HACD2: variants seen among roughly 807,000 people sequenced by gnomAD.
The protein encoded by HACD2 is 3-hydroxyacyl-CoA dehydratase 2.
A neutral mutation model predicts 31.0 loss-of-function variants in HACD2; 15 were observed. The observed-to-expected ratio is 0.48, with a 90% CI of 0.32 to 0.75. The LOEUF is 0.75. Ranked by LOEUF, HACD2 falls within the 30% of genes least tolerant of loss-of-function variation. HACD2 has a pLI of 0.03. For synonymous variants in HACD2, 115 were observed against 122.2 expected, an observed-to-expected ratio of 0.94 and a Z score of 0.39; for missense variants, 283 against 313.0, an observed-to-expected ratio of 0.90 and a Z score of 0.72.
At chr3:123,563,284 T>C (rs749274019) in intron 3 of HACD2, among the ~76,000 whole-genome samples, 1 of 152,152 alleles carries the variant, frequency 6.6e-6, no homozygotes, top group Non-Finnish European at 1.5e-5. Flanking sequence ...TAGGGAAGTT[T>C]ACTGGAAGAG....
intron 2 of HACD2, among the ~76,000 whole-genome samples, chr3:123,570,440 T>C (rs1165956698): frequency 6.6e-6 from 1 of 152,176 alleles, no homozygotes; most frequent in East Asian, 1.9e-4. Context: ...AAAGGGCAGA[T>C]GTAGAGGTAC....
intron 3 of HACD2, among the ~76,000 whole-genome samples, chr3:123,563,928 AG>A (rs1378863797): frequency 2.0e-5 from 3 of 152,338 alleles, no homozygotes; most frequent in Middle Eastern, 3.4e-3. Flanking sequence ...CTAGAAATTC[AG>A]GAAGATACAT....
At chr3:123,563,983 G>A (rs1047048814) in intron 3 of HACD2, among the ~76,000 whole-genome samples, 3 of 152,250 alleles carry the variant, frequency 2.0e-5, no homozygotes, top group Non-Finnish European at 4.4e-5. Flanking sequence ...TAGGGATGAA[G>A]AAACAAGACA....
intron 4 of HACD2, among the ~76,000 whole-genome samples, chr3:123,507,687 C>T (rs1486198458): frequency 1.3e-5 from 2 of 151,986 alleles, no homozygotes; most frequent in African/African-American, 4.8e-5. Context: ...ACATCTCATG[C>T]ACCCCATAAA....
At chr3:123,507,973 C>T (rs2055999351) in intron 4 of HACD2, among the ~76,000 whole-genome samples, 2 of 151,178 alleles carry the variant, frequency 1.3e-5, no homozygotes, top group Admixed American at 1.3e-4. Context: ...CTAGCCTGTG[C>T]AACATAGTGA....
chr3:123,496,630 C>T (rs2055836609), intron 6 of HACD2, among the ~76,000 whole-genome samples: 1 of 152,122 alleles, frequency 6.6e-6, no homozygotes, highest in African/African-American at 2.4e-5. Context: ...GGCACGAAAG[C>T]CAGAAAATCT....
At chr3:123,557,516 G>C (rs139150444) in intron 3 of HACD2, among the ~76,000 whole-genome samples, 58 of 152,236 alleles carry the variant, frequency 3.8e-4, no homozygotes, top group Non-Finnish European at 6.6e-4. Flanking sequence ...GCTCACACCT[G>C]TAGTCCCAGC....
chr3:123,576,282 T>C (rs1415569270), intron 2 of HACD2, among the ~76,000 whole-genome samples: 2 of 151,986 alleles, frequency 1.3e-5, no homozygotes, highest in Non-Finnish European at 2.9e-5. Flanking sequence ...CATTCCCTTC[T>C]ACAGATGTTA....
At position 123,512,430 on chromosome 3, in the gene HACD2, T is replaced by C. The variant is rs542755430; in HGVS notation, c.382-9749A>G. Among the ~76,000 whole-genome samples the C allele has an allele frequency of 2.2e-4, 34 of 152,286 alleles. No homozygotes were observed. In the South Asian group the frequency reaches 3.3e-3, roughly 15 times the overall value. Reference sequence around the variant, plus strand: ...AAGATTCACCTGAGACTCGCCTCTTTCCCTTCCCCACGTGGAGGACACAGT... The same window carrying C: ...AAGATTCACCTGAGACTCGCCTCTTCCCCTTCCCCACGTGGAGGACACAGT... On this transcript the variant is annotated intron_variant, in intron 4 of 6. Transcript: ENST00000383657.
At chr3:123,552,145 A>G (rs1198602463) in intron 3 of HACD2, among the ~76,000 whole-genome samples, 1 of 152,182 alleles carries the variant, frequency 6.6e-6, no homozygotes, top group African/African-American at 2.4e-5. Context: ...CCTGAAAGAG[A>G]CAGTCTACCC....
chr3:123,563,644 TACACACACACACACACACAC>T (rs58761061), intron 3 of HACD2, among the ~76,000 whole-genome samples: 21 of 112,070 alleles, frequency 1.9e-4, no homozygotes, highest in African/African-American at 8.4e-4. Flanking sequence ...AAAATATATA[TACACACACACACACACACAC>T]ACACACACAC....
At chr3:123,520,304 C>T (rs1456080284) in intron 4 of HACD2, among the ~76,000 whole-genome samples, 2 of 152,158 alleles carry the variant, frequency 1.3e-5, no homozygotes, top group African/African-American at 4.8e-5. Flanking sequence ...AAAAATTATA[C>T]AGCCATTCAC....
intron 3 of HACD2, among the ~76,000 whole-genome samples, chr3:123,532,244 G>A (rs947905944): frequency 2.6e-5 from 4 of 152,176 alleles, no homozygotes; most frequent in African/African-American, 7.2e-5. Flanking sequence ...CAGTGAACTC[G>A]CCTACTTAGA....
At chr3:123,513,114 A>G (rs1192889058) in intron 4 of HACD2, among the ~76,000 whole-genome samples, 1 of 152,260 alleles carries the variant, frequency 6.6e-6, no homozygotes, top group Non-Finnish European at 1.5e-5. Flanking sequence ...ACCAGGAGGA[A>G]GAACTCCCAC....
At position 123,574,160 on chromosome 3, in the gene HACD2, A is replaced by C. The variant is rs146074173; in HGVS notation, c.274-6380T>G. 4.3e-3 allele frequency among the ~76,000 whole-genome samples: 662 copies of C among 152,358 alleles called. 4 individuals are homozygous for C. The highest frequency in any genetic ancestry group is 0.015 in the African/African-American group (644 of 41,584). On this transcript the variant is annotated intron_variant, in intron 2 of 6. Transcript: ENST00000383657. The stretch of plus-strand genomic sequence containing the variant: ...TTACATATTTTGTTTCTCTGTTCAG[A>C]TAATCATTCATTCATCATATGATTT...
chr3:123,519,850 A>T (rs1004430758), intron 4 of HACD2, among the ~76,000 whole-genome samples: 3 of 152,218 alleles, frequency 2.0e-5, no homozygotes, highest in Non-Finnish European at 2.9e-5. Context: ...TACAGGTAAT[A>T]GTTTCTAACT....
intron 6 of HACD2, among the ~76,000 whole-genome samples, chr3:123,498,382 TG>T (rs2055860749): frequency 6.6e-6 from 1 of 152,234 alleles, no homozygotes; most frequent in Non-Finnish European, 1.5e-5. Flanking sequence ...AGACTTCTGT[TG>T]GGAGGAGAGT....
intron 3 of HACD2, among the ~76,000 whole-genome samples, chr3:123,562,498 G>A (rs1415361497): frequency 1.4e-5 from 2 of 139,316 alleles, no homozygotes; most frequent in Non-Finnish European, 3.1e-5. Context: ...TTGAACATTA[G>A]AGGAACAATA....
rs11391480 is a variant in HACD2, at chr3:123,542,146, C to CAAA, written c.293-13675_293-13673dup. On this transcript the variant is annotated intron_variant, in intron 3 of 6. Coordinates refer to ENST00000383657, the MANE Select transcript of HACD2 (RefSeq NM_198402.5). ...TGGGCGACAGAGCGAGACTCCGTCT[C>CAAA]AAAAAAAAAAAAAAAAAAAAAAAAA... is the stretch of plus-strand genomic sequence containing the variant. Among the ~76,000 whole-genome samples, 287 of 40,996 alleles carry CAAA rather than the reference C, an allele frequency of 7.0e-3. 42 individuals are homozygous for CAAA. Among genetic ancestry groups the CAAA allele is most frequent in the East Asian group, 0.064 (55 of 864 alleles). The allele number at this position is 40,996 out of a possible 152,430, so 26.9% of individuals were successfully genotyped here.
Sources: gnomAD v4.1 joint callset for allele counts (sites outside exome capture counted in the v4.1 genomes callset) on GRCh38, gnomAD v4.1.1 for gene constraint, MANE v1.5 for transcripts, NCBI Gene and HGNC (gene_info 2026-07-23, HGNC 2026-07-21) for gene names.